Variants in RNF17 observed in about 807,000 individuals in gnomAD.
RNF17 encodes the protein spermatogenesis associated 23.
Under a neutral mutation model 200.5 loss-of-function variants are expected in RNF17, and 31 were observed. That is an observed-to-expected ratio of 0.15 (90% CI 0.12 to 0.21). RNF17 has a LOEUF of 0.21. Among genes scored for constraint, RNF17 ranks in the 10% least tolerant of loss-of-function variants. The pLI is 1.00. For synonymous variants in RNF17, 606 were observed against 637.8 expected, an observed-to-expected ratio of 0.95 and a Z score of 0.75; for missense variants, 1,628 against 1,905.1, an observed-to-expected ratio of 0.85 and a Z score of 2.71.
At chr13:24,864,026 A>G (rs574375038) in intron 28 of RNF17, among the ~76,000 whole-genome samples, 12 of 152,196 alleles carry the variant, frequency 7.9e-5, no homozygotes, top group Non-Finnish European at 1.8e-4. Flanking sequence ...GAAAGAGAAA[A>G]TAAACTATGA....
chr13:24,807,991 T>C (rs1439694174), intron 15 of RNF17, among the ~76,000 whole-genome samples: 1 of 151,360 alleles, frequency 6.6e-6, no homozygotes. Flanking sequence ...CTCTGTTCTG[T>C]TCCATTGATC....
intron 15 of RNF17, among the ~76,000 whole-genome samples, chr13:24,817,009 T>C (rs560071450): frequency 6.6e-6 from 1 of 152,358 alleles, no homozygotes; most frequent in Admixed American, 6.5e-5. Flanking sequence ...AATCTTTTAA[T>C]ATGCTGAATT....
intron 1 of RNF17, among the ~76,000 whole-genome samples, chr13:24,765,304 C>T (rs559770385): frequency 7.2e-5 from 11 of 152,302 alleles, no homozygotes; most frequent in South Asian, 6.2e-4. Flanking sequence ...CGTGAGCCAC[C>T]GCGCCCGGCC....
At chr13:24,759,527 G>C (rs560113449), upstream of RNF17, among the ~76,000 whole-genome samples, 13 of 152,326 alleles carry the variant, frequency 8.5e-5, no homozygotes, top group Non-Finnish European at 1.6e-4. Context: ...AAATAAGGGT[G>C]AGGGAAGCAA....
rs200278514 is a variant in RNF17, at chr13:24,853,943, A to G, written c.3409A>G (p.Ile1137Val). 124 of 1,614,084 alleles carry G rather than the reference A, an allele frequency of 7.7e-5. No individual in the cohort carries two copies. Among genetic ancestry groups the G allele is most frequent in the Non-Finnish European group, 9.4e-5 (111 of 1,179,958 alleles). The change falls in exon 25 of 36, where the codon ATT (isoleucine) becomes GTT (valine). Residue 1137 changes from isoleucine (I) to valine (V), a missense_variant. By Grantham distance (29) the Ile-to-Val change is conservative (BLOSUM62 3). Around this residue, in one of 5 missense-constraint regions of RNF17, gnomAD observed 609 missense variants for 681.9 expected, o/e 0.89. Transcript: ENST00000255324. ...EQEDSVVTNC[I>V]KTNFDPDKKT... ...GGAAGATTCAGTAGTTACTAACTGT[A>G]TTAAAACTAACTTTGACCCTGACAA...
chr13:24,884,240 G>A, downstream of RNF17: 1 of 1,614,094 alleles, frequency 6.2e-7, no homozygotes, highest in Non-Finnish European at 8.5e-7. Flanking sequence ...CTGCATAGTA[G>A]TAGATCTGTA....
intron 15 of RNF17, among the ~76,000 whole-genome samples, chr13:24,811,157 T>A (rs1175430783): frequency 6.6e-6 from 1 of 150,452 alleles, no homozygotes; most frequent in Non-Finnish European, 1.5e-5. Flanking sequence ...TTTGTGGCGT[T>A]CTCTGTATTT....
chr13:24,755,967 G>T, the RNF17 span, among the ~76,000 whole-genome samples: 33 of 152,114 alleles, frequency 2.2e-4, no homozygotes, highest in Admixed American at 2.2e-3. Flanking sequence ...GAAATCACCA[G>T]TATTCGACAT....
chr13:24,824,710 G>A (rs554058217), intron 15 of RNF17, among the ~76,000 whole-genome samples: 1 of 152,256 alleles, frequency 6.6e-6, no homozygotes, highest in East Asian at 1.9e-4. Flanking sequence ...ACATTAAGAT[G>A]GATGGTTGAT....
chr13:24,826,168 G>A, intron 16 of RNF17: 1 of 836,478 alleles, frequency 1.2e-6, no homozygotes, highest in Non-Finnish European at 1.4e-6. Context: ...CTTCTTTCCT[G>A]GGAATTATTG....
chr13:24,886,093 C>T, the RNF17 span: 1 of 378,588 alleles, frequency 2.6e-6, no homozygotes, highest in Non-Finnish European at 5.2e-6. Context: ...ACACCAATCA[C>T]ATACTGTACC....
At chr13:24,860,663 T>G (rs1892995688) in intron 26 of RNF17, among the ~76,000 whole-genome samples, 1 of 152,206 alleles carries the variant, frequency 6.6e-6, no homozygotes, top group Non-Finnish European at 1.5e-5. Context: ...ATTTAGAAAT[T>G]GAATTATCAA....
intron 15 of RNF17, among the ~76,000 whole-genome samples, chr13:24,816,449 T>C (rs2121254): frequency 0.98 from 149,580 of 152,234 alleles, 73,525 homozygotes; most frequent in Middle Eastern, 1. Flanking sequence ...ACATATCCCA[T>C]AGCTGCTTAC....
At chr13:24,861,897 G>A (rs777501065) in intron 27 of RNF17, among the ~76,000 whole-genome samples, 1 of 152,166 alleles carries the variant, frequency 6.6e-6, no homozygotes, top group Non-Finnish European at 1.5e-5. Context: ...AATTTATGAA[G>A]AAAAGAGGGT....
the RNF17 span, chr13:24,750,687 C>T: frequency 1.3e-4 from 20 of 152,306 alleles, no homozygotes; most frequent in South Asian, 1.7e-3. Flanking sequence ...ATACTTACTT[C>T]GCCTTCTGAT....
Position 24,764,249 on chromosome 13 carries a change from C to T in RNF17, c.46C>T (p.Gln16Ter). ...SKTGPSRSSY[Q>*]RMGRKSQPWG... ...GACTGGGCCTTCTAGGTCTTCCTACCAGCGAATGGGGAGGAAGAGTCAGCC... is the reference window on the plus strand; with the variant it reads ...GACTGGGCCTTCTAGGTCTTCCTACTAGCGAATGGGGAGGAAGAGTCAGCC... Residue 16 changes from glutamine to a stop codon, truncating the protein, a stop_gained, in exon 1 of 36, where the codon CAG (glutamine) becomes TAG (stop). Transcript: ENST00000255324. LOFTEE classifies it high-confidence loss of function. 3 of 1,609,510 alleles carry T rather than the reference C, an allele frequency of 1.9e-6. No individual in the cohort carries two copies. Among genetic ancestry groups the T allele is most frequent in the Non-Finnish European group, 2.5e-6 (3 of 1,176,528 alleles).
chr13:24,830,709 C>A, intron 17 of RNF17, 110 bp downstream of exon 17: 1 of 757,122 alleles, frequency 1.3e-6, no homozygotes, highest in Non-Finnish European at 2.3e-6. Context: ...TGTCTAGTTG[C>A]TGATACAGGG....
chr13:24,749,542 A>G, the RNF17 span, among the ~76,000 whole-genome samples: 1 of 152,100 alleles, frequency 6.6e-6, no homozygotes, highest in East Asian at 1.9e-4. Flanking sequence ...TTCTCTCTGC[A>G]GTTAAAAAAC....
At position 24,870,600 on chromosome 13, in the gene RNF17, T is replaced by C. The variant is rs1894148108; in HGVS notation, c.4308T>C (p.Thr1436=). ...EVYICLDSIE[T]SNQSNQHSDT... Reference sequence around the variant, plus strand: ...ATATTTGCCTTGATTCTATAGAAACTTCTAACCAGTCTAACCAGCATAGTG... The same window carrying C: ...ATATTTGCCTTGATTCTATAGAAACCTCTAACCAGTCTAACCAGCATAGTG... The change falls in exon 32 of 36, where the codon ACT becomes ACC. Residue 1436 remains threonine (T), a synonymous_variant. Coordinates refer to ENST00000255324, the MANE Select transcript of RNF17 (RefSeq NM_031277.3). 2.5e-6 allele frequency: 4 copies of C among 1,613,818 alleles called. No individual in the cohort carries two copies. In the South Asian group the frequency reaches 4.4e-5, roughly 18 times the overall value.
Sources: gnomAD v4.1 joint callset for allele counts (sites outside exome capture counted in the v4.1 genomes callset) on GRCh38, gnomAD v4.1.1 for gene constraint, gnomAD v4.1.1 regional missense constraint, MANE v1.5 for transcripts, NCBI Gene and HGNC (gene_info 2026-07-23, HGNC 2026-07-21) for gene names.